The following HK3 variants were observed in gnomAD, a reference collection of about 807,000 sequenced individuals.
HK3 encodes hexokinase-3.
Under a neutral mutation model 91.0 loss-of-function variants are expected in HK3, and 93 were observed. The observed-to-expected ratio is 1.02, with a 90% CI of 0.86 to 1.21. The LOEUF (loss-of-function observed/expected upper bound fraction) is 1.21, where lower values mean the gene tolerates loss of function less well. Among genes scored for constraint, HK3 ranks in the 50% most tolerant of loss-of-function variants. HK3 has a pLI of 0.00. For missense variants in HK3, 1,235 were observed against 1,247.4 expected, an observed-to-expected ratio of 0.99 and a Z score of 0.15; for synonymous variants, 519 against 516.9, an observed-to-expected ratio of 1.00 and a Z score of -0.06.
rs1180530901 is a variant in HK3 at position 176,884,838 on chromosome 5, C to T, written c.1858-704G>A. Among the ~76,000 whole-genome samples, 2 of 152,174 alleles carry T rather than the reference C, an allele frequency of 1.3e-5. No homozygotes were observed. Among genetic ancestry groups the T allele is most frequent in the African/African-American group, 2.4e-5 (1 of 41,428 alleles). ...TACAGCTGTTGGGAGAAAATTACTG[C>T]TTTGCTCAGAGGAGGAGCATGGAGG... On this transcript the variant is annotated intron_variant, in intron 13 of 18. Transcript: ENST00000292432. This position sits in a 1 kb window ranked among gnomAD's most constrained non-coding sequence, Gnocchi z 4.1.
chr5:176,885,016 C>T (rs1758546019), intron 13 of HK3, among the ~76,000 whole-genome samples: 2 of 152,088 alleles, frequency 1.3e-5, no homozygotes, highest in South Asian at 2.1e-4. Context: ...AGAAAGAACC[C>T]GTTTGAGAGA....
rs1278125058 is a variant in HK3, at chr5:176,887,810, G to A, written c.1305-64C>T. ...CCCCCAGACACACACAGGTGTGCAC[G>A]GCTTGGCCCTGGACCCCCAGATACA... On this transcript the variant is annotated intron_variant, in intron 10 of 18. Coordinates refer to ENST00000292432, the MANE Select transcript of HK3 (RefSeq NM_002115.3). This position sits in a 1 kb window ranked among gnomAD's most constrained non-coding sequence, Gnocchi z 4.9. 26 of 1,529,206 alleles carry A rather than the reference G, an allele frequency of 1.7e-5. No homozygotes were observed. Among genetic ancestry groups the A allele is most frequent in the South Asian group, 6.3e-5 (5 of 79,864 alleles). 94.7% of individuals were successfully genotyped at this position (1,529,206 alleles called of 1,614,324 possible). A position where few individuals can be genotyped will look rare whatever the true frequency, so the allele number is the denominator to read the frequency against.
intron 13 of HK3, among the ~76,000 whole-genome samples, chr5:176,885,041 T>A (rs1486818511): frequency 6.6e-6 from 1 of 151,980 alleles, no homozygotes; most frequent in Non-Finnish European, 1.5e-5. Flanking sequence ...AGATGATGAG[T>A]AAGAGCCCTG....
chr5:176,890,340 T>C (rs1276088509), intron 6 of HK3, among the ~76,000 whole-genome samples: 1 of 152,230 alleles, frequency 6.6e-6, no homozygotes, highest in East Asian at 1.9e-4. Context: ...TTTATTAGAA[T>C]GCTTCCCCAT....
chr5:176,887,825 C>A lies in HK3; in HGVS notation c.1305-79G>T. On this transcript the variant is annotated intron_variant, in intron 10 of 18. Transcript: ENST00000292432. This position sits in a 1 kb window ranked among gnomAD's most constrained non-coding sequence, Gnocchi z 4.9. ...AGGTGTGCACGGCTTGGCCCTGGAC[C>A]CCCAGATACATACAGGTGTGCCCAG... 6.8e-7 allele frequency: 1 copy of A among 1,465,172 alleles called. No individual in the cohort carries two copies. The highest frequency in any genetic ancestry group is 9.3e-7 in the Non-Finnish European group (1 of 1,079,102). The allele number at this position is 1,465,172 out of a possible 1,614,324, so 90.8% of individuals were successfully genotyped here. A position where few individuals can be genotyped will look rare whatever the true frequency, so the allele number is the denominator to read the frequency against.
chr5:176,882,571 C>G (rs573187882), intron 15 of HK3, among the ~76,000 whole-genome samples: 2 of 152,308 alleles, frequency 1.3e-5, no homozygotes, highest in Non-Finnish European at 2.9e-5. Flanking sequence ...GCCCCACAGT[C>G]TGGCCAGAGG....
chr5:176,883,884 A>G lies in HK3; in HGVS notation c.1954-15T>C. The G allele has an allele frequency of 1.2e-6, 2 of 1,613,386 alleles. No homozygotes were observed. The highest frequency in any genetic ancestry group is 1.7e-6 in the Non-Finnish European group (2 of 1,179,424). On this transcript the variant is annotated splice_polypyrimidine_tract_variant and intron_variant, in intron 14 of 18. Coordinates refer to ENST00000292432, the MANE Select transcript of HK3 (RefSeq NM_002115.3). ...AGCTCCACTGCCTGCACACAAAAGGATGCTGCTAGTTGCTGGGCAACGCGG... is the reference window on the plus strand; with the variant it reads ...AGCTCCACTGCCTGCACACAAAAGGGTGCTGCTAGTTGCTGGGCAACGCGG...
chr5:176,891,320 A>C (rs1758766601), intron 3 of HK3, 68 bp downstream of exon 3: 2 of 1,606,174 alleles, frequency 1.2e-6, no homozygotes, highest in African/African-American at 2.7e-5. Flanking sequence ...GGAATAAGGA[A>C]CGTTTCCCTC....
chr5:176,880,909 A>G lies in HK3; in HGVS notation c.*164T>C, dbSNP rs923927293. The G allele has an allele frequency of 6.2e-5, 40 of 641,834 alleles. No homozygotes were observed. The highest frequency in any genetic ancestry group is 9.2e-5 in the Non-Finnish European group (36 of 390,144). 39.8% of individuals were successfully genotyped at this position (641,834 alleles called of 1,614,324 possible). On this transcript the variant is annotated 3_prime_UTR_variant, in exon 19 of 19. Coordinates refer to ENST00000292432, the MANE Select transcript of HK3 (RefSeq NM_002115.3). ...TATATATATTGCTAACCTGAGTGCT[A>G]CTTCTCTCAGGGAAAGCCAGGGAGC...
chr5:176,898,146 C>T (rs975426021), intron 1 of HK3, among the ~76,000 whole-genome samples: 11 of 152,332 alleles, frequency 7.2e-5, no homozygotes, highest in African/African-American at 2.6e-4. Flanking sequence ...CATCCTCCGG[C>T]CTGATTATTA....
At chr5:176,893,838 G>A (rs999917426) in intron 2 of HK3, among the ~76,000 whole-genome samples, 5 of 152,154 alleles carry the variant, frequency 3.3e-5, no homozygotes, top group Admixed American at 6.5e-5. Flanking sequence ...AGAAGCTATC[G>A]GAGCCACCCC....
In HK3 at chr5:176,884,023, T is replaced by G. The variant is rs746248626; in HGVS notation, c.1953+16A>C. The G allele has an allele frequency of 6.2e-6, 10 of 1,612,350 alleles. No individual in the cohort carries two copies. The highest frequency in any genetic ancestry group is 7.6e-6 in the Non-Finnish European group (9 of 1,178,398). On this transcript the variant is annotated intron_variant, in intron 14 of 18. Transcript: ENST00000292432. The surrounding 1 kb of genome is among the most constrained non-coding windows in gnomAD (Gnocchi z 4.1). ...GCCTGCCACAGCCCCAAAGCACCCC[T>G]AGAACAGGCTCCTACCTGTCTGCGA...
intron 13 of HK3, among the ~76,000 whole-genome samples, chr5:176,886,597 C>A: frequency 1.3e-5 from 2 of 152,012 alleles, no homozygotes; most frequent in East Asian, 3.9e-4. Flanking sequence ...CCTAGTCATG[C>A]ACCCAACACT....
Position 176,894,777 on chromosome 5 carries a change from C to CTT in HK3, c.96+1285_96+1286dup, listed in dbSNP as rs550204831. ...AGTGGGCACCTCCTCTATGCAAGTC[C>CTT]TTTTTTTTTTTTTTTTTTTGACAGA... On this transcript the variant is annotated intron_variant, in intron 2 of 18. Coordinates refer to ENST00000292432, the MANE Select transcript of HK3 (RefSeq NM_002115.3). Among the ~76,000 whole-genome samples, 505 of 138,016 alleles carry CTT rather than the reference C, an allele frequency of 3.7e-3. 4 individuals carry two copies. The highest frequency in any genetic ancestry group is 0.012 in the African/African-American group (464 of 37,796). 90.5% of individuals were successfully genotyped at this position (138,016 alleles called of 152,430 possible).
chr5:176,888,247 C>G (rs764361671), intron 10 of HK3, 85 bp downstream of exon 10: 11 of 1,166,356 alleles, frequency 9.4e-6, no homozygotes, highest in African/African-American at 1.5e-5. Context: ...CTGGCTTGCA[C>G]ATGTGATCCC....
At position 176,884,661 on chromosome 5, in the gene HK3, C is replaced by T. The variant is rs1009784599; in HGVS notation, c.1858-527G>A. ...CAGGAGGAATGGAAAAGCCAGAACCCAGGCCCCTGGGCAGGATGAAGGCTG... is the reference window on the plus strand; with the variant it reads ...CAGGAGGAATGGAAAAGCCAGAACCTAGGCCCCTGGGCAGGATGAAGGCTG... On this transcript the variant is annotated intron_variant, in intron 13 of 18. Transcript: ENST00000292432. The surrounding 1 kb of genome is among the most constrained non-coding windows in gnomAD (Gnocchi z 4.1). 6.6e-6 allele frequency among the ~76,000 whole-genome samples: 1 copy of T among 152,214 alleles called. No homozygotes were observed.
intron 2 of HK3, among the ~76,000 whole-genome samples, chr5:176,895,410 G>C (rs541180996): frequency 1.3e-5 from 2 of 152,316 alleles, no homozygotes; most frequent in African/African-American, 2.4e-5. Context: ...TAGCCTTCAG[G>C]GGGTGGGGAG....
Position 176,887,052 on chromosome 5 carries a change from G to A in HK3, c.1807C>T (p.Pro603Ser). 3 of 1,614,202 alleles carry A rather than the reference G, an allele frequency of 1.9e-6. No individual in the cohort carries two copies. The highest frequency in any genetic ancestry group is 2.5e-6 in the Non-Finnish European group (3 of 1,180,036). ...GGGAAGGAGAAGGTAAAACCCAGTGGGAGGCTCTGCCCGCTCAGGCCCTGC... is the reference window on the plus strand; with the variant it reads ...GGGAAGGAGAAGGTAAAACCCAGTGAGAGGCTCTGCCCGCTCAGGCCCTGC... ...QKQGLSGQSLPLGFTFSFPCR... is the reference protein window; with the variant it reads ...QKQGLSGQSLSLGFTFSFPCR... The change falls in exon 13 of 19, where the codon CCA (proline) becomes TCA (serine). Residue 603 changes from proline to serine, a missense_variant. By Grantham distance (74) the Pro-to-Ser change is moderately conservative. This residue lies in a region of HK3 where 513 missense variants were observed against 477.4 expected (regional missense o/e 1.07). Transcript: ENST00000292432. The surrounding 1 kb of genome is among the most constrained non-coding windows in gnomAD (Gnocchi z 4.9).
rs1210214280 is a variant in HK3, at chr5:176,888,799, G to A, written c.980C>T (p.Ala327Val). 7 of 1,614,176 alleles carry A rather than the reference G, an allele frequency of 4.3e-6. No individual in the cohort carries two copies. Among genetic ancestry groups the A allele is most frequent in the Admixed American group, 1.7e-5 (1 of 60,018 alleles). Residue 327 changes from alanine (A) to valine (V), a missense_variant, in exon 9 of 19, where the codon GCC becomes GTC. Around this residue, in one of 3 missense-constraint regions of HK3, gnomAD observed 717 missense variants for 751.6 expected, o/e 0.95. Transcript: ENST00000292432. ...GCCACCAAAGAGGACCCCACACCGG[G>A]CCAAGTGAGCCAGCACCAGCCGCAC... Reference protein sequence around the residue: ...ELVRLVLAHLARCGVLFGGCT... With the variant: ...ELVRLVLAHLVRCGVLFGGCT...
Sources: allele counts gnomAD v4.1 joint callset (sites outside exome capture counted in the v4.1 genomes callset), GRCh38; gene constraint gnomAD v4.1.1; regional missense constraint gnomAD v4.1.1; non-coding constraint Gnocchi (gnomAD v3.1); transcripts MANE v1.5; gene names NCBI Gene and HGNC (gene_info 2026-07-23, HGNC 2026-07-21).